NLRC3: variants seen among roughly 807,000 people sequenced by gnomAD.
NLRC3 encodes NLR family CARD domain-containing protein 3.
Under a neutral mutation model 91.6 loss-of-function variants are expected in NLRC3, and 87 were observed. The ratio of observed to expected loss-of-function variants is 0.95; its 90% confidence interval spans 0.80 to 1.14. The LOEUF is 1.14. Among genes scored for constraint, NLRC3 ranks in the 50% most tolerant of loss-of-function variants. NLRC3 has a pLI of 0.00. For synonymous variants in NLRC3, 694 were observed against 625.3 expected, an observed-to-expected ratio of 1.11 and a Z score of -1.64; for missense variants, 1,577 against 1,418.6, an observed-to-expected ratio of 1.11 and a Z score of -1.79.
intron 5 of NLRC3, among the ~76,000 whole-genome samples, chr16:3,562,699 G>A (rs2039664266): frequency 6.8e-6 from 1 of 146,892 alleles, no homozygotes; most frequent in Non-Finnish European, 1.5e-5. Flanking sequence ...ATGACCAGGC[G>A]ACGGGAGAGA....
intron 8 of NLRC3, among the ~76,000 whole-genome samples, chr16:3,556,125 T>C (rs1307389247): frequency 4.7e-5 from 7 of 149,216 alleles, no homozygotes; most frequent in Non-Finnish European, 5.9e-5. Context: ...GTGCAGGAGC[T>C]CGAGACCAGC....
chr16:3,577,272 G>A lies in NLRC3; in HGVS notation c.-292C>T. Reference sequence around the variant, plus strand: ...TGGTAGATGCCCTGGGAATCCCTGTGCCAGCCTGAGTTCTCAGGACCAGGG... The same window carrying A: ...TGGTAGATGCCCTGGGAATCCCTGTACCAGCCTGAGTTCTCAGGACCAGGG... On this transcript the variant is annotated 5_prime_UTR_variant, in exon 1 of 20. Coordinates refer to ENST00000359128, the MANE Select transcript of NLRC3 (RefSeq NM_178844.4). 1.4e-6 allele frequency: 1 copy of A among 696,250 alleles called. No homozygotes were observed. The allele number at this position is 696,250 out of a possible 1,614,324, so 43.1% of individuals were successfully genotyped here. A position where few individuals can be genotyped will look rare whatever the true frequency, so the allele number is the denominator to read the frequency against.
chr16:3,548,851 C>T, intron 13 of NLRC3, 98 bp from the exon 14 acceptor site: 1 of 844,162 alleles, frequency 1.2e-6, no homozygotes, highest in Middle Eastern at 3.1e-4. Flanking sequence ...CCAGATCACC[C>T]AGCCAGCACG....
intron 18 of NLRC3, 86 bp from the exon 19 acceptor site, chr16:3,542,360 G>T: frequency 1.2e-6 from 1 of 842,978 alleles, no homozygotes; most frequent in Non-Finnish European, 2.0e-6. Context: ...TTGTCTGGGG[G>T]CAGTAACCCA....
In NLRC3 at chr16:3,563,540, T is replaced by TA; in HGVS notation, c.1396dup (p.Tyr466LeufsTer16). Reference sequence around the variant, plus strand: ...GGCCCTCCTGGATGCGCCATAGTAATACGCGGCTGCCACAAACTCCTGCAG... The same window carrying TA: ...GGCCCTCCTGGATGCGCCATAGTAATAACGCGGCTGCCACAAACTCCTGCAG... On this transcript the variant is annotated frameshift_variant, in exon 5 of 20. Transcript: ENST00000359128. LOFTEE classifies it high-confidence loss of function. 6.2e-7 allele frequency: 1 copy of TA among 1,609,500 alleles called. No homozygotes were observed. Among genetic ancestry groups the TA allele is most frequent in the African/African-American group, 1.3e-5 (1 of 74,956 alleles).
chr16:3,562,044 C>G (rs1317112621), intron 5 of NLRC3, among the ~76,000 whole-genome samples: 1 of 152,232 alleles, frequency 6.6e-6, no homozygotes, highest in Non-Finnish European at 1.5e-5. Context: ...CCGCCTGCCT[C>G]TGCGGGACAC....
In NLRC3 at chr16:3,557,574, C is replaced by T; in HGVS notation, c.2099+19G>A. On this transcript the variant is annotated intron_variant, in intron 7 of 19. Coordinates refer to ENST00000359128, the MANE Select transcript of NLRC3 (RefSeq NM_178844.4). ...CTGGTTCCAATGGCAAAAGTTCGGCCTTGGTTGTCCTTACTTACTCCAGAG... is the reference window on the plus strand; with the variant it reads ...CTGGTTCCAATGGCAAAAGTTCGGCTTTGGTTGTCCTTACTTACTCCAGAG... 1 of 1,570,268 alleles carries T rather than the reference C, an allele frequency of 6.4e-7. No homozygotes were observed. The highest frequency in any genetic ancestry group is 1.1e-5 in the South Asian group (1 of 89,522).
chr16:3,561,824 C>A, intron 5 of NLRC3, 36 bp from the exon 6 acceptor site: 1 of 1,528,786 alleles, frequency 6.5e-7, no homozygotes. Context: ...AGTGTCCCAC[C>A]CGCCCACGGG....
At chr16:3,562,405 C>T (rs1254202392) in intron 5 of NLRC3, among the ~76,000 whole-genome samples, 1 of 152,058 alleles carries the variant, frequency 6.6e-6, no homozygotes, top group African/African-American at 2.4e-5. Flanking sequence ...ATTTGGGAGG[C>T]TGGGGTGGGC....
chr16:3,569,177 G>A (rs1004820204), intron 1 of NLRC3, among the ~76,000 whole-genome samples: 1 of 151,662 alleles, frequency 6.6e-6, no homozygotes, highest in Admixed American at 6.6e-5. Context: ...AGCTGGGTGT[G>A]ATGGCGTGTG....
chr16:3,549,476 G>T (rs1388978297), intron 12 of NLRC3, among the ~76,000 whole-genome samples: 2 of 152,126 alleles, frequency 1.3e-5, no homozygotes, highest in Non-Finnish European at 2.9e-5. Flanking sequence ...AGGTGCGAGG[G>T]GACAGGTGGC....
chr16:3,565,799 T>A (rs562676384), intron 2 of NLRC3, among the ~76,000 whole-genome samples: 2 of 152,144 alleles, frequency 1.3e-5, no homozygotes, highest in South Asian at 4.2e-4. Flanking sequence ...TCCCAACACT[T>A]TGGGAGCCTG....
intron 15 of NLRC3, among the ~76,000 whole-genome samples, chr16:3,546,875 G>A (rs1350104880): frequency 6.6e-6 from 1 of 152,106 alleles, no homozygotes; most frequent in Non-Finnish European, 1.5e-5. Context: ...GACATAGGAC[G>A]ATCCCTGAGG....
intron 17 of NLRC3, 177 bp from the exon 18 acceptor site, chr16:3,542,952 C>T: frequency 1.7e-6 from 1 of 581,922 alleles, no homozygotes; most frequent in South Asian, 2.1e-5. Context: ...CTCTGGGAAG[C>T]AGGGCACACA....
rs1297895114 is a variant in NLRC3 at position 3,539,734 on chromosome 16, CCT to C, written c.*2089_*2090del. 1 of 152,212 alleles carries C rather than the reference CCT, an allele frequency of 6.6e-6. No individual in the cohort carries two copies. Among genetic ancestry groups the C allele is most frequent in the Non-Finnish European group, 1.5e-5 (1 of 68,038 alleles). 9.4% of individuals were successfully genotyped at this position (152,212 alleles called of 1,614,324 possible). A position where few individuals can be genotyped will look rare whatever the true frequency, so the allele number is the denominator to read the frequency against. Reference sequence around the variant, plus strand: ...GCAAGACCCATGTTCAGATTTCCCCCCTTTTACAAATAATGTTTTGTTTTATT... The same window carrying C: ...GCAAGACCCATGTTCAGATTTCCCCCTTTACAAATAATGTTTTGTTTTATT... On this transcript the variant is annotated 3_prime_UTR_variant, in exon 20 of 20. Coordinates refer to ENST00000359128, the MANE Select transcript of NLRC3 (RefSeq NM_178844.4).
intron 10 of NLRC3, among the ~76,000 whole-genome samples, chr16:3,550,816 A>T (rs1322052285): frequency 6.6e-6 from 1 of 152,184 alleles, no homozygotes; most frequent in East Asian, 1.9e-4. Context: ...GAAGACAGTA[A>T]ATGTGAGCCC....
chr16:3,557,390 T>C (rs1039985610), intron 7 of NLRC3, among the ~76,000 whole-genome samples: 1 of 152,202 alleles, frequency 6.6e-6, no homozygotes, highest in African/African-American at 2.4e-5. Flanking sequence ...CTGTGTCTTA[T>C]TCCCACAGGA....
intron 1 of NLRC3, among the ~76,000 whole-genome samples, chr16:3,568,926 G>C (rs1325226595): frequency 6.6e-6 from 1 of 152,158 alleles, no homozygotes. Flanking sequence ...TATAAAAGAT[G>C]ATTGATTTTT....
rs756070002 is a variant in NLRC3, at chr16:3,544,297, G to A, written c.2804C>T (p.Ala935Val). The A allele has an allele frequency of 1.5e-5, 25 of 1,613,226 alleles. No individual in the cohort carries two copies. Among genetic ancestry groups the A allele is most frequent in the Non-Finnish European group, 2.0e-5 (23 of 1,179,282 alleles). Residue 935 changes from alanine to valine, a missense_variant, in exon 16 of 20, where the codon GCG (alanine) becomes GTG (valine). Coordinates refer to ENST00000359128, the MANE Select transcript of NLRC3 (RefSeq NM_178844.4). ...CTTCAGTGCACGGGCCACCGCACACGCTCCGTCATCCCCGATGGCGTTCTC... is the reference window on the plus strand; with the variant it reads ...CTTCAGTGCACGGGCCACCGCACACACTCCGTCATCCCCGATGGCGTTCTC... ...LQENAIGDDG[A>V]CAVARALKVN...
Sources: gnomAD v4.1 joint callset for allele counts (sites outside exome capture counted in the v4.1 genomes callset) on GRCh38, gnomAD v4.1.1 for gene constraint, MANE v1.5 for transcripts, NCBI Gene and HGNC (gene_info 2026-07-23, HGNC 2026-07-21) for gene names.